The following GALNT13 variants were observed in gnomAD, a reference collection of about 807,000 sequenced individuals.
The protein encoded by GALNT13 is UDP-GalNAc:polypeptide N-acetylgalactosaminyltransferase 13.
A neutral mutation model predicts 64.2 loss-of-function variants in GALNT13; 28 were observed. The ratio of observed to expected loss-of-function variants is 0.44; its 90% CI spans 0.32 to 0.60. The LOEUF (loss-of-function observed/expected upper bound fraction) is 0.60. Among genes scored for constraint, GALNT13 ranks in the 20% least tolerant of loss-of-function variants. The pLI is 0.05. For synonymous variants in GALNT13, 214 were observed against 224.6 expected (o/e 0.95, Z 0.42); for missense variants, 577 against 669.8 (o/e 0.86, Z 1.53).
chr2:154,260,345 G>A lies in GALNT13; in HGVS notation c.975+1207G>A, dbSNP rs373634352. Among the ~76,000 whole-genome samples the A allele has an allele frequency of 8.7e-4, 132 of 152,052 alleles. 1 individual carries two copies. Among genetic ancestry groups the A allele is most frequent in the African/African-American group, 2.4e-3 (100 of 41,460 alleles). Reference sequence around the variant, plus strand: ...TTTTTCATTATCATAATATAAATACGTGTGATGTTGTGTAAGAAAATGTTA... The same window carrying A: ...TTTTTCATTATCATAATATAAATACATGTGATGTTGTGTAAGAAAATGTTA... On this transcript the variant is annotated intron_variant, in intron 8 of 12. Coordinates refer to ENST00000392825, the MANE Select transcript of GALNT13 (RefSeq NM_052917.4).
Position 154,154,890 on chromosome 2 carries a change from A to C in GALNT13, c.311+14385A>C, listed in dbSNP as rs538439475. ...GTCAAAATATGACTTTAATGTTTCA[A>C]ATTGGGTGACTAGGAGATTTGTGGT... On this transcript the variant is annotated intron_variant, in intron 4 of 12. Coordinates refer to ENST00000392825, the MANE Select transcript of GALNT13 (RefSeq NM_052917.4). Among the ~76,000 whole-genome samples, 39 of 151,542 alleles carry C rather than the reference A, an allele frequency of 2.6e-4. 1 individual carries two copies. Among genetic ancestry groups the C allele is most frequent in the African/African-American group, 7.7e-4 (32 of 41,354 alleles).
the GALNT13 span, among the ~76,000 whole-genome samples, chr2:153,638,764 T>G: frequency 6.6e-6 from 1 of 152,070 alleles, no homozygotes; most frequent in Non-Finnish European, 1.5e-5. Context: ...GGGTGTGTGT[T>G]CTCTTTTGAC....
the GALNT13 span, among the ~76,000 whole-genome samples, chr2:153,755,684 G>A: frequency 2.0e-5 from 3 of 152,150 alleles, no homozygotes; most frequent in East Asian, 5.8e-4. Context: ...AATGTTTCCT[G>A]AATCTGTAGT....
chr2:153,376,286 A>C, the GALNT13 span, among the ~76,000 whole-genome samples: 1 of 152,210 alleles, frequency 6.6e-6, no homozygotes, highest in Non-Finnish European at 1.5e-5. Flanking sequence ...CATGTGGTTG[A>C]CTTGAGAACT....
the GALNT13 span, among the ~76,000 whole-genome samples, chr2:153,514,125 A>C: frequency 6.6e-6 from 1 of 152,122 alleles, no homozygotes; most frequent in Middle Eastern, 3.4e-3. Flanking sequence ...CTTTCTTAAC[A>C]CTTTTATTTT....
intron 9 of GALNT13, among the ~76,000 whole-genome samples, chr2:154,341,378 T>C (rs545867796): frequency 8.1e-4 from 123 of 152,224 alleles, no homozygotes; most frequent in Non-Finnish European, 1.5e-3. Flanking sequence ...ATACATTAAG[T>C]GATAATGTGA....
At chr2:153,287,502 T>C in the GALNT13 span, among the ~76,000 whole-genome samples, 2 of 152,128 alleles carry the variant, frequency 1.3e-5, no homozygotes, top group Non-Finnish European at 2.9e-5. Flanking sequence ...TAATGAGTGG[T>C]GGAAGTAGCT....
At chr2:153,524,895 T>C in the GALNT13 span, among the ~76,000 whole-genome samples, 72 of 152,304 alleles carry the variant, frequency 4.7e-4, no homozygotes, top group Non-Finnish European at 5.1e-4. Flanking sequence ...AGGCACGTGA[T>C]CTGCTGAGAT....
intron 9 of GALNT13, among the ~76,000 whole-genome samples, chr2:154,387,835 T>C (rs1347530788): frequency 6.6e-6 from 1 of 152,176 alleles, no homozygotes; most frequent in Non-Finnish European, 1.5e-5. Flanking sequence ...GATATACATT[T>C]AGGTTGATCC....
the GALNT13 span, chr2:153,762,635 T>A: frequency 6.5e-6 from 1 of 154,714 alleles, no homozygotes; most frequent in African/African-American, 2.4e-5. Flanking sequence ...GGAAACTGGT[T>A]TATTTCACCA....
chr2:153,222,307 T>TGGGG, the GALNT13 span, among the ~76,000 whole-genome samples: 40 of 6,278 alleles, frequency 6.4e-3, no homozygotes, highest in Non-Finnish European at 0.013. Context: ...TGAGTCTGGC[T>TGGGG]GGGGGGGGGG....
At chr2:154,048,657 T>G (rs1699411076) in intron 3 of GALNT13, among the ~76,000 whole-genome samples, 1 of 152,084 alleles carries the variant, frequency 6.6e-6, no homozygotes, top group Non-Finnish European at 1.5e-5. Context: ...CATAATTGAC[T>G]TAAAAACTGA....
chr2:153,909,424 T>G (rs1360175522), intron 2 of GALNT13, among the ~76,000 whole-genome samples: 9 of 152,120 alleles, frequency 5.9e-5, no homozygotes, highest in African/African-American at 2.4e-5. Flanking sequence ...GTATATGCTT[T>G]ATTTCTTTCT....
At chr2:154,051,050 G>T (rs971235455) in intron 3 of GALNT13, among the ~76,000 whole-genome samples, 5 of 151,950 alleles carry the variant, frequency 3.3e-5, no homozygotes, top group Admixed American at 1.3e-4. Flanking sequence ...GTGTCAGACG[G>T]AGAGATAGTG....
intron 9 of GALNT13, among the ~76,000 whole-genome samples, chr2:154,378,852 A>G (rs1318493180): frequency 6.6e-6 from 1 of 152,152 alleles, no homozygotes; most frequent in Non-Finnish European, 1.5e-5. Context: ...ATTTTTAAAG[A>G]TACTTTTCCT....
At chr2:153,504,057 T>C in the GALNT13 span, among the ~76,000 whole-genome samples, 1 of 152,224 alleles carries the variant, frequency 6.6e-6, no homozygotes, top group Admixed American at 6.5e-5. Flanking sequence ...TTGTTTGTGA[T>C]TTCTTTCAGC....
At chr2:153,977,231 A>G (rs1694134122) in intron 3 of GALNT13, among the ~76,000 whole-genome samples, 1 of 152,170 alleles carries the variant, frequency 6.6e-6, no homozygotes, top group Non-Finnish European at 1.5e-5. Flanking sequence ...TTATGCCTGT[A>G]TACTTGCTCA....
chr2:153,751,446 A>G, the GALNT13 span, among the ~76,000 whole-genome samples: 2 of 151,370 alleles, frequency 1.3e-5, no homozygotes, highest in African/African-American at 4.8e-5. Flanking sequence ...TCCAACTATT[A>G]TTGTACTGGG....
At chr2:153,347,141 A>G in the GALNT13 span, among the ~76,000 whole-genome samples, 1 of 152,236 alleles carries the variant, frequency 6.6e-6, no homozygotes, top group East Asian at 1.9e-4. Context: ...CCCAGAACCT[A>G]GAGCCCTGCC....
Sources: allele counts gnomAD v4.1 joint callset (sites outside exome capture counted in the v4.1 genomes callset), GRCh38; gene constraint gnomAD v4.1.1; transcripts MANE v1.5; gene names NCBI Gene and HGNC (gene_info 2026-07-23, HGNC 2026-07-21).